DYNC1I2: variants seen among roughly 807,000 people sequenced by gnomAD.
DYNC1I2 encodes the protein dynein cytoplasmic 1 intermediate chain 2.
In DYNC1I2, 53 loss-of-function variants were observed where a neutral mutation model predicts 88.6. The ratio of observed to expected loss-of-function variants is 0.60; its 90% CI spans 0.48 to 0.75. The LOEUF (loss-of-function observed/expected upper bound fraction) is 0.75. DYNC1I2 is among the 30% of genes least tolerant of loss of function. The pLI, the probability that DYNC1I2 is intolerant of heterozygous loss-of-function variation, is 0.00. For synonymous variants in DYNC1I2, 198 were observed against 254.6 expected (o/e 0.78, Z 2.12); for missense variants, 458 against 766.6 (o/e 0.60, Z 4.75).
Position 171,747,750 on chromosome 2 carries a change from A to T in DYNC1I2, c.1804-26A>T, listed in dbSNP as rs766654767. 4.1e-5 allele frequency: 61 copies of T among 1,503,278 alleles called. 1 individual carries two copies. The highest frequency in any genetic ancestry group is 1.8e-4 in the Middle Eastern group (1 of 5,570). The allele number at this position is 1,503,278 out of a possible 1,614,324, so 93.1% of individuals were successfully genotyped here. A position where few individuals can be genotyped will look rare whatever the true frequency, so the allele number is the denominator to read the frequency against. ...AAAATGATCTTTTATTTCATTGTATATAAAACATTGTCTTTCTTTTAACAG... is the reference window on the plus strand; with the variant it reads ...AAAATGATCTTTTATTTCATTGTATTTAAAACATTGTCTTTCTTTTAACAG... On this transcript the variant is annotated intron_variant, in intron 17 of 17. Transcript: ENST00000397119.
At chr2:171,692,354 T>C (rs778120461) in intron 2 of DYNC1I2, among the ~76,000 whole-genome samples, 14 of 152,208 alleles carry the variant, frequency 9.2e-5, no homozygotes, top group Non-Finnish European at 1.5e-4. Flanking sequence ...TGTCATTCAC[T>C]TAAAATTTGT....
chr2:171,691,624 G>A (rs1402268441), intron 2 of DYNC1I2, among the ~76,000 whole-genome samples: 2 of 152,166 alleles, frequency 1.3e-5, no homozygotes, highest in Non-Finnish European at 2.9e-5. Context: ...CTTTACATTA[G>A]CTATTAGATT....
At chr2:171,746,105 A>G (rs1212358344) in intron 17 of DYNC1I2, among the ~76,000 whole-genome samples, 178 bp downstream of exon 17, 1 of 152,200 alleles carries the variant, frequency 6.6e-6, no homozygotes, top group Non-Finnish European at 1.5e-5. Context: ...TTCTAAACCG[A>G]ATGTTCTGTT....
chr2:171,718,771 T>G (rs911838819), intron 7 of DYNC1I2, among the ~76,000 whole-genome samples: 14 of 152,154 alleles, frequency 9.2e-5, no homozygotes, highest in African/African-American at 3.4e-4. Context: ...CTAAAAATTA[T>G]AACACCAAGA....
intron 15 of DYNC1I2, among the ~76,000 whole-genome samples, chr2:171,737,458 C>G (rs1413582458): frequency 1.3e-5 from 2 of 152,162 alleles, no homozygotes; most frequent in Non-Finnish European, 2.9e-5. Context: ...TACTCTGTTG[C>G]CCAGGCTGGA....
At chr2:171,735,081 G>A (rs1352230887) in intron 15 of DYNC1I2, among the ~76,000 whole-genome samples, 4 of 152,260 alleles carry the variant, frequency 2.6e-5, no homozygotes, top group South Asian at 4.1e-4. Flanking sequence ...AGACTGAATC[G>A]TGAGATATTG....
chr2:171,690,629 G>A (rs914774682), intron 2 of DYNC1I2, among the ~76,000 whole-genome samples: 6 of 150,206 alleles, frequency 4.0e-5, no homozygotes, highest in African/African-American at 1.2e-4. Flanking sequence ...AAAGTAAGGC[G>A]CATCTGTATT....
chr2:171,695,113 T>G (rs1685668790), intron 3 of DYNC1I2, among the ~76,000 whole-genome samples: 1 of 152,110 alleles, frequency 6.6e-6, no homozygotes, highest in Non-Finnish European at 1.5e-5. Flanking sequence ...TTTGGTTTTT[T>G]TTTTGAGACG....
At chr2:171,716,217 A>G (rs1431137513) in intron 7 of DYNC1I2, among the ~76,000 whole-genome samples, 1 of 152,118 alleles carries the variant, frequency 6.6e-6, no homozygotes, top group East Asian at 1.9e-4. Flanking sequence ...AGATTATGTA[A>G]AAGTAATAAA....
chr2:171,722,421 G>T (rs113006241), intron 7 of DYNC1I2, among the ~76,000 whole-genome samples: 2 of 152,118 alleles, frequency 1.3e-5, no homozygotes, highest in Non-Finnish European at 2.9e-5. Context: ...CAGAGAAAGC[G>T]TGGAGTTAAC....
chr2:171,718,453 A>C (rs944070475), intron 7 of DYNC1I2, among the ~76,000 whole-genome samples: 2 of 148,484 alleles, frequency 1.3e-5, no homozygotes, highest in Non-Finnish European at 3.0e-5. Flanking sequence ...TTTTTCTTTG[A>C]GACAGAGTCT....
At chr2:171,737,059 A>G (rs1689058803) in intron 15 of DYNC1I2, among the ~76,000 whole-genome samples, 2 of 152,180 alleles carry the variant, frequency 1.3e-5, no homozygotes, top group South Asian at 4.1e-4. Context: ...GTCCAAAATC[A>G]AGGTGTTGAC....
chr2:171,710,122 TACACACACACACACACACAC>T (rs55862813), intron 5 of DYNC1I2, among the ~76,000 whole-genome samples: 2,275 of 144,426 alleles, frequency 0.016, 53 homozygotes, highest in African/African-American at 0.052. Flanking sequence ...TATGTATATA[TACACACACACACACACACAC>T]ACACACACAC....
chr2:171,745,563 T>C (rs988961170), intron 16 of DYNC1I2, among the ~76,000 whole-genome samples: 4 of 152,200 alleles, frequency 2.6e-5, no homozygotes, highest in African/African-American at 9.7e-5. Flanking sequence ...CAAAATAATG[T>C]GTCTAGTCTT....
chr2:171,694,863 C>G (rs189916543), intron 3 of DYNC1I2, among the ~76,000 whole-genome samples: 1 of 152,202 alleles, frequency 6.6e-6, no homozygotes, highest in Admixed American at 6.5e-5. Flanking sequence ...GGATCCGCCT[C>G]CATGACCCAA....
At chr2:171,696,056 T>C (rs910121851) in intron 3 of DYNC1I2, among the ~76,000 whole-genome samples, 1 of 152,248 alleles carries the variant, frequency 6.6e-6, no homozygotes, top group Admixed American at 6.5e-5. Context: ...TGAGGTTCTT[T>C]ATCTTCTGAT....
intron 15 of DYNC1I2, among the ~76,000 whole-genome samples, chr2:171,741,997 G>A (rs902922874): frequency 4.6e-5 from 7 of 150,868 alleles, no homozygotes; most frequent in Admixed American, 4.0e-4. Context: ...CAGGAGAATC[G>A]CATGAACCCA....
At chr2:171,734,767 G>T (rs909930250) in intron 15 of DYNC1I2, among the ~76,000 whole-genome samples, 2 of 152,324 alleles carry the variant, frequency 1.3e-5, no homozygotes, top group South Asian at 4.1e-4. Flanking sequence ...TGTGGCTCCA[G>T]TGTCAATTTA....
intron 7 of DYNC1I2, among the ~76,000 whole-genome samples, chr2:171,717,959 C>CT (rs575201805): frequency 0.015 from 2,051 of 136,726 alleles, 19 homozygotes; most frequent in African/African-American, 0.028. Context: ...TGAAGACTTT[C>CT]TTTTTTTTTT....
Sources: allele counts gnomAD v4.1 joint callset (sites outside exome capture counted in the v4.1 genomes callset), GRCh38; gene constraint gnomAD v4.1.1; transcripts MANE v1.5; gene names NCBI Gene and HGNC (gene_info 2026-07-23, HGNC 2026-07-21).